Variants in PRKG1 observed in about 807,000 individuals in gnomAD.
The protein encoded by PRKG1 is protein kinase cGMP-dependent 1.
In PRKG1, 35 loss-of-function variants were observed where a neutral mutation model predicts 88.1. The observed-to-expected ratio is 0.40, with a 90% CI of 0.30 to 0.53. PRKG1 has a LOEUF of 0.53. Among genes scored for constraint, PRKG1 ranks in the 20% least tolerant of loss-of-function variants. The pLI, the probability that PRKG1 is intolerant of heterozygous loss-of-function variation, is 0.59. For missense variants in PRKG1, 540 were observed against 839.8 expected, an observed-to-expected ratio of 0.64 and a Z score of 4.41; for synonymous variants, 303 against 292.5, an observed-to-expected ratio of 1.04 and a Z score of -0.37.
Position 52,271,404 on chromosome 10 carries a change from C to T in PRKG1, c.1228C>T (p.Arg410Cys), listed in dbSNP as rs377519440. The T allele has an allele frequency of 6.5e-5, 105 of 1,612,714 alleles. No individual in the cohort carries two copies. Among genetic ancestry groups the T allele is most frequent in the Non-Finnish European group, 8.5e-5 (100 of 1,179,278 alleles). ...KTFAMKILKK[R>C]HIVDTRQQEH... Reference sequence around the variant, plus strand: ...GTTTGCAATGAAGATTCTCAAGAAACGTCACATTGTGGACACAAGACAGCA... The same window carrying T: ...GTTTGCAATGAAGATTCTCAAGAAATGTCACATTGTGGACACAAGACAGCA... Residue 410 changes from arginine to cysteine, a missense_variant, in exon 11 of 18, where the codon CGT (arginine) becomes TGT (cysteine). Arg to Cys is a radical substitution (Grantham distance 180, BLOSUM62 -3). Transcript: ENST00000373980.
chr10:52,062,264 A>G (rs1014012025), intron 6 of PRKG1, among the ~76,000 whole-genome samples: 1 of 152,298 alleles, frequency 6.6e-6, no homozygotes, highest in African/African-American at 2.4e-5. Context: ...CAGGAAAATT[A>G]GAATAGAGAT....
intron 2 of PRKG1, among the ~76,000 whole-genome samples, chr10:51,375,350 C>A (rs1023314551): frequency 8.6e-5 from 13 of 151,764 alleles, no homozygotes; most frequent in Admixed American, 5.9e-4. Flanking sequence ...GGAGGTACTG[C>A]ATTACTGTTA....
chr10:51,476,688 C>G (rs560661284), intron 3 of PRKG1, among the ~76,000 whole-genome samples: 1 of 151,922 alleles, frequency 6.6e-6, no homozygotes, highest in Non-Finnish European at 1.5e-5. Context: ...ACAGACTTTT[C>G]TGGTTACAGA....
intron 3 of PRKG1, among the ~76,000 whole-genome samples, chr10:51,585,344 A>G (rs551149637): frequency 6.6e-6 from 1 of 152,232 alleles, no homozygotes. Flanking sequence ...TTGCTAAAAT[A>G]TTTTGGTGAT....
chr10:51,138,747 A>C (rs189406165), intron 1 of PRKG1, among the ~76,000 whole-genome samples: 1 of 123,630 alleles, frequency 8.1e-6, no homozygotes, highest in African/African-American at 3.1e-5. Context: ...CAGTGGCATG[A>C]TCTCGGCTCA....
chr10:51,180,259 T>C (rs1837309307), intron 2 of PRKG1, among the ~76,000 whole-genome samples: 1 of 152,192 alleles, frequency 6.6e-6, no homozygotes, highest in African/African-American at 2.4e-5. Context: ...TATGGAGACT[T>C]ATTCTCTGTA....
intron 5 of PRKG1, among the ~76,000 whole-genome samples, chr10:51,994,720 T>C (rs1462178554): frequency 6.6e-6 from 1 of 152,192 alleles, no homozygotes; most frequent in African/African-American, 2.4e-5. Flanking sequence ...TAGAGTGTGC[T>C]GTTGTCTCTT....
intron 5 of PRKG1, among the ~76,000 whole-genome samples, chr10:51,944,986 C>A (rs1163896478): frequency 6.6e-6 from 1 of 151,170 alleles, no homozygotes; most frequent in Non-Finnish European, 1.5e-5. Flanking sequence ...TGGTGCAGAG[C>A]TGAGTTCAAT....
intron 4 of PRKG1, among the ~76,000 whole-genome samples, chr10:51,818,307 T>A (rs969707253): frequency 1.3e-5 from 2 of 152,182 alleles, no homozygotes; most frequent in African/African-American, 4.8e-5. Flanking sequence ...GAGTCTTCAC[T>A]GTTTCTGACT....
chr10:51,424,239 A>G (rs2132712602), intron 2 of PRKG1, among the ~76,000 whole-genome samples: 1 of 152,206 alleles, frequency 6.6e-6, no homozygotes, highest in Admixed American at 6.5e-5. Flanking sequence ...TTCTCTTTGG[A>G]CCATTCTAGA....
intron 1 of PRKG1, among the ~76,000 whole-genome samples, chr10:51,005,700 G>C (rs1350553842): frequency 6.6e-6 from 1 of 152,160 alleles, no homozygotes; most frequent in African/African-American, 2.4e-5. Flanking sequence ...GTGATGAATT[G>C]TCCATAAGGC....
chr10:51,217,597 G>A (rs1838405572), intron 2 of PRKG1, among the ~76,000 whole-genome samples: 1 of 152,068 alleles, frequency 6.6e-6, no homozygotes, highest in South Asian at 2.1e-4. Flanking sequence ...CACAAATAAA[G>A]TGCCTCTGCC....
At chr10:51,172,640 GTATGTATGTATCTATCTATCTATCTATC>G (rs1392972495) in intron 2 of PRKG1, among the ~76,000 whole-genome samples, 1,620 of 92,530 alleles carry the variant, frequency 0.018, 26 homozygotes, top group African/African-American at 0.065. Context: ...ATGTATGTAT[GTATGTATGTATCTATCTATCTATCTATC>G]TATCTATCTA....
intron 3 of PRKG1, among the ~76,000 whole-genome samples, chr10:51,776,932 G>A (rs144039459): frequency 6.6e-6 from 1 of 152,158 alleles, no homozygotes; most frequent in Non-Finnish European, 1.5e-5. Context: ...TGCCACGGAA[G>A]ACATTTGAAG....
At chr10:51,371,123 C>T (rs1842697105) in intron 2 of PRKG1, among the ~76,000 whole-genome samples, 1 of 152,060 alleles carries the variant, frequency 6.6e-6, no homozygotes, top group South Asian at 2.1e-4. Flanking sequence ...GCTTTGGAGA[C>T]AGCCTGATAA....
chr10:51,930,825 C>T (rs7083358), intron 5 of PRKG1, among the ~76,000 whole-genome samples: 2 of 152,032 alleles, frequency 1.3e-5, no homozygotes, highest in Non-Finnish European at 2.9e-5. Context: ...GAAAGGCAAA[C>T]GTAGTAGTTT....
At chr10:51,984,442 G>T (rs1051992879) in intron 5 of PRKG1, among the ~76,000 whole-genome samples, 7 of 152,174 alleles carry the variant, frequency 4.6e-5, no homozygotes, top group Admixed American at 1.3e-4. Flanking sequence ...TTTAAATTTT[G>T]AGTATAAAGT....
intron 1 of PRKG1, among the ~76,000 whole-genome samples, chr10:51,038,397 G>A (rs920177741): frequency 6.6e-6 from 1 of 152,064 alleles, no homozygotes; most frequent in African/African-American, 2.4e-5. Context: ...TCATTCTGTT[G>A]TGCTGTCAAA....
intron 3 of PRKG1, among the ~76,000 whole-genome samples, chr10:51,614,984 T>G (rs1015010820): frequency 7.2e-5 from 10 of 139,070 alleles, no homozygotes; most frequent in East Asian, 4.3e-4. Context: ...TATATTCAAC[T>G]TTGAATATAT....
Sources: gnomAD v4.1 joint callset for allele counts (sites outside exome capture counted in the v4.1 genomes callset) on GRCh38, gnomAD v4.1.1 for gene constraint, MANE v1.5 for transcripts, NCBI Gene and HGNC (gene_info 2026-07-23, HGNC 2026-07-21) for gene names.